DGKI: variants seen among roughly 807,000 people sequenced by gnomAD.
The protein encoded by DGKI is DAG kinase iota.
A neutral mutation model predicts 147.5 loss-of-function variants in DGKI; 55 were observed. The ratio of observed to expected loss-of-function variants is 0.37; its 90% CI spans 0.30 to 0.47. DGKI has a LOEUF of 0.47. Among genes scored for constraint, DGKI ranks in the 20% least tolerant of loss-of-function variants. The pLI is 1.00. For synonymous variants in DGKI, 469 were observed against 477.1 expected (o/e 0.98, Z 0.22); for missense variants, 1,007 against 1,323.8 (o/e 0.76, Z 3.71).
chr7:137,715,926 A>G (rs1794362492), intron 1 of DGKI, among the ~76,000 whole-genome samples: 2 of 152,202 alleles, frequency 1.3e-5, no homozygotes. Flanking sequence ...CAAGAGGGGA[A>G]AGCAGAGCGA....
intron 1 of DGKI, among the ~76,000 whole-genome samples, chr7:137,724,529 T>C (rs1201839342): frequency 6.6e-6 from 1 of 152,140 alleles, no homozygotes; most frequent in African/African-American, 2.4e-5. Flanking sequence ...TCGAGGTATA[T>C]CTTGAAAGCA....
chr7:137,499,954 C>A (rs1416341313), intron 21 of DGKI, among the ~76,000 whole-genome samples: 1 of 152,128 alleles, frequency 6.6e-6, no homozygotes, highest in Non-Finnish European at 1.5e-5. Context: ...GAGCCCACAC[C>A]AGACCCAACC....
At chr7:137,743,999 A>AC (rs1554470360) in intron 1 of DGKI, among the ~76,000 whole-genome samples, 1 of 151,606 alleles carries the variant, frequency 6.6e-6, no homozygotes, top group African/African-American at 2.4e-5. Context: ...GAAAAAAAAA[A>AC]AAAACTAATC....
chr7:137,472,354 G>GTATATACATTAAATAT (rs1563040243), intron 23 of DGKI, among the ~76,000 whole-genome samples: 74 of 6,096 alleles, frequency 0.012, 8 homozygotes, highest in Non-Finnish European at 0.035. Context: ...ATTATTATAT[G>GTATATACATTAAATAT]TATATATACA....
At chr7:137,444,025 AG>A (rs1254855596) in intron 28 of DGKI, 51 bp downstream of exon 28, 11 of 1,477,860 alleles carry the variant, frequency 7.4e-6, no homozygotes, top group Non-Finnish European at 1.0e-5. Context: ...TGCAAAGACC[AG>A]GGGTCAAGTT....
At chr7:137,473,190 A>G (rs2128930317) in intron 23 of DGKI, among the ~76,000 whole-genome samples, 1 of 152,200 alleles carries the variant, frequency 6.6e-6, no homozygotes, top group Admixed American at 6.5e-5. Context: ...GCTTTTGTTC[A>G]CTTATTTACT....
At chr7:137,609,721 T>C in intron 8 of DGKI, 112 bp from the exon 9 acceptor site, 1 of 698,168 alleles carries the variant, frequency 1.4e-6, no homozygotes, top group Non-Finnish European at 2.5e-6. Flanking sequence ...TGCATGCTTC[T>C]CATGCTTTCA....
intron 1 of DGKI, among the ~76,000 whole-genome samples, chr7:137,692,120 G>T (rs965424524): frequency 6.6e-6 from 1 of 152,130 alleles, no homozygotes; most frequent in African/African-American, 2.4e-5. Flanking sequence ...AACAGTGGAA[G>T]AATCTTATAC....
intron 23 of DGKI, among the ~76,000 whole-genome samples, chr7:137,483,044 C>G (rs1176667182): frequency 6.6e-6 from 1 of 152,006 alleles, no homozygotes. Flanking sequence ...AATAATGCAG[C>G]AATATTTTGA....
intron 1 of DGKI, among the ~76,000 whole-genome samples, chr7:137,759,194 A>G (rs974768255): frequency 6.6e-6 from 1 of 152,134 alleles, no homozygotes; most frequent in Admixed American, 6.5e-5. Context: ...GCGCCTACTT[A>G]TAAGTGACAA....
chr7:137,512,261 AG>A (rs1816604694), intron 21 of DGKI, among the ~76,000 whole-genome samples: 1 of 152,204 alleles, frequency 6.6e-6, no homozygotes, highest in South Asian at 2.1e-4. Flanking sequence ...GGCAATCTTA[AG>A]TGTCCTTGTA....
intron 23 of DGKI, among the ~76,000 whole-genome samples, chr7:137,482,154 C>A (rs960048219): frequency 1.3e-5 from 2 of 151,942 alleles, no homozygotes; most frequent in Non-Finnish European, 1.5e-5. Context: ...ATACACACAC[C>A]TAGAAAAAAA....
At chr7:137,762,107 C>A (rs1477100111) in intron 1 of DGKI, among the ~76,000 whole-genome samples, 1 of 152,216 alleles carries the variant, frequency 6.6e-6, no homozygotes, top group Non-Finnish European at 1.5e-5. Context: ...TTACCCCTCT[C>A]AAATCATTCC....
At chr7:137,456,404 G>C (rs7778326) in intron 27 of DGKI, among the ~76,000 whole-genome samples, 6,056 of 152,140 alleles carry the variant, frequency 0.04, 297 homozygotes, top group East Asian at 0.12. Context: ...ATTTATTTTG[G>C]TTTGACAAAG....
At chr7:137,671,017 A>G (rs1291413658) in intron 3 of DGKI, among the ~76,000 whole-genome samples, 1 of 152,198 alleles carries the variant, frequency 6.6e-6, no homozygotes, top group Non-Finnish European at 1.5e-5. Flanking sequence ...CCACACACAC[A>G]GATGCATGGG....
In DGKI at chr7:137,686,614, G is replaced by A. The variant is rs565309135; in HGVS notation, c.510+3280C>T. Among the ~76,000 whole-genome samples, 21 of 152,230 alleles carry A rather than the reference G, an allele frequency of 1.4e-4. 1 individual carries two copies. In the South Asian group the frequency reaches 3.9e-3, roughly 29 times the overall value. ...AGAGACTGTATATATCACAAACAAG[G>A]AAATGAGAACATAAAAATGGAATGC... On this transcript the variant is annotated intron_variant, in intron 2 of 32. Transcript: ENST00000614521.
At chr7:137,567,035 C>A (rs539950318) in intron 19 of DGKI, among the ~76,000 whole-genome samples, 1 of 118,706 alleles carries the variant, frequency 8.4e-6, no homozygotes, top group Admixed American at 8.2e-5. Flanking sequence ...GAGGCCGAGG[C>A]GGGTGGATCA....
rs140080438 is a variant in DGKI, at chr7:137,442,674, T to C, written c.2761+1403A>G. Among the ~76,000 whole-genome samples the C allele has an allele frequency of 7.0e-3, 1,070 of 152,324 alleles. 9 individuals carry two copies. The highest frequency in any genetic ancestry group is 0.068 in the Middle Eastern group (20 of 294). ...GGCCTGAACATAATTTTCCCTATGA[T>C]TCTTCATAGAGAATAACACAACTTC... On this transcript the variant is annotated intron_variant, in intron 28 of 32. Coordinates refer to ENST00000614521, the MANE Select transcript of DGKI (RefSeq NM_001321708.2).
intron 19 of DGKI, 140 bp from the exon 20 acceptor site, chr7:137,552,708 A>G: frequency 1.3e-6 from 1 of 782,514 alleles, no homozygotes; most frequent in Non-Finnish European, 2.0e-6. Flanking sequence ...CAGGAGTTCC[A>G]GAGCAGCCTG....
Sources: gnomAD v4.1 joint callset for allele counts (sites outside exome capture counted in the v4.1 genomes callset) on GRCh38, gnomAD v4.1.1 for gene constraint, MANE v1.5 for transcripts, NCBI Gene and HGNC (gene_info 2026-07-23, HGNC 2026-07-21) for gene names.